The following DOCK2 variants were observed in gnomAD, a reference collection of about 807,000 sequenced individuals.
The protein encoded by DOCK2 is dedicator of cytokinesis 2, also known as dedicator of cytokinesis protein 2.
A neutral mutation model predicts 248.9 loss-of-function variants in DOCK2; 87 were observed. That is an observed-to-expected ratio of 0.35 (90% CI 0.29 to 0.42). DOCK2 has a LOEUF of 0.42. Among genes scored for constraint, DOCK2 ranks in the 10% least tolerant of loss-of-function variants. The pLI, the probability that DOCK2 is intolerant of heterozygous loss-of-function variation, is 1.00. For missense variants in DOCK2, 1,747 were observed against 2,300.2 expected, an observed-to-expected ratio of 0.76 and a Z score of 4.92; for synonymous variants, 805 against 821.6, an observed-to-expected ratio of 0.98 and a Z score of 0.35.
intron 23 of DOCK2, among the ~76,000 whole-genome samples, chr5:169,753,736 G>A (rs528300541): frequency 6.6e-6 from 1 of 152,260 alleles, no homozygotes; most frequent in East Asian, 1.9e-4. Flanking sequence ...ACATATTCTG[G>A]AACCTGTTGG....
chr5:169,698,282 C>A, intron 10 of DOCK2, 92 bp from the exon 11 acceptor site: 3 of 1,329,874 alleles, frequency 2.3e-6, no homozygotes, highest in South Asian at 1.2e-5. Flanking sequence ...GCATCCCAGG[C>A]TCTACCTCCT....
In DOCK2 at chr5:170,053,987, G is replaced by A. The variant is rs114300668; in HGVS notation, c.4214-1318G>A. Among the ~76,000 whole-genome samples the A allele has an allele frequency of 3.9e-5, 6 of 152,300 alleles. No homozygotes were observed. In the East Asian group the frequency reaches 5.8e-4, roughly 15 times the overall value. Reference sequence around the variant, plus strand: ...GGTGGATCCTAAGAGAAGCAAAGACGAAGGCTGTGGAAAGCCAAAGGAAGG... The same window carrying A: ...GGTGGATCCTAAGAGAAGCAAAGACAAAGGCTGTGGAAAGCCAAAGGAAGG... On this transcript the variant is annotated intron_variant, in intron 41 of 51. Transcript: ENST00000520908.
intron 26 of DOCK2, among the ~76,000 whole-genome samples, chr5:169,826,882 A>G (rs759990781): frequency 6.6e-6 from 1 of 152,008 alleles, no homozygotes; most frequent in Non-Finnish European, 1.5e-5. Flanking sequence ...TCCCTGTAAT[A>G]ACACTGTCAG....
chr5:169,879,438 A>G (rs767410535), intron 27 of DOCK2, among the ~76,000 whole-genome samples: 2 of 152,162 alleles, frequency 1.3e-5, no homozygotes, highest in Non-Finnish European at 2.9e-5. Context: ...GCTTTCATCA[A>G]ATTAATTGCC....
chr5:169,966,626 A>C (rs189478134), intron 27 of DOCK2, among the ~76,000 whole-genome samples: 23 of 152,268 alleles, frequency 1.5e-4, no homozygotes, highest in Non-Finnish European at 2.8e-4. Context: ...CCATACCCTT[A>C]TTTTACAGGT....
At chr5:169,918,594 TATG>T (rs1283568819) in intron 27 of DOCK2, among the ~76,000 whole-genome samples, 2 of 152,218 alleles carry the variant, frequency 1.3e-5, no homozygotes, top group Non-Finnish European at 2.9e-5. Flanking sequence ...TATTGTCCAA[TATG>T]ATACTGTTTA....
intron 27 of DOCK2, among the ~76,000 whole-genome samples, chr5:169,908,042 G>T (rs1774390845): frequency 6.6e-6 from 1 of 152,158 alleles, no homozygotes. Flanking sequence ...AGCTGTGATG[G>T]AACAATTTAG....
intron 2 of DOCK2, among the ~76,000 whole-genome samples, chr5:169,669,057 A>C (rs1337861025): frequency 6.6e-6 from 1 of 152,148 alleles, no homozygotes; most frequent in Non-Finnish European, 1.5e-5. Context: ...TGATTTTTCA[A>C]AATCAGGAGC....
chr5:169,934,285 A>G (rs1380052190), intron 27 of DOCK2, among the ~76,000 whole-genome samples: 2 of 152,226 alleles, frequency 1.3e-5, no homozygotes, highest in East Asian at 1.9e-4. Flanking sequence ...TTACCCGGGA[A>G]GACTTCTCTG....
At chr5:169,926,646 C>T (rs922771722) in intron 27 of DOCK2, among the ~76,000 whole-genome samples, 12 of 152,298 alleles carry the variant, frequency 7.9e-5, no homozygotes, top group African/African-American at 2.9e-4. Context: ...TTATGCCATA[C>T]GTCACCCACT....
intron 25 of DOCK2, among the ~76,000 whole-genome samples, chr5:169,778,896 A>G (rs1294086469): frequency 6.6e-6 from 1 of 152,020 alleles, no homozygotes; most frequent in Non-Finnish European, 1.5e-5. Context: ...ATCCAAGAAA[A>G]TTTTCAGCAA....
rs1554098255 is a variant in DOCK2 at position 169,764,844 on chromosome 5, T to TTTTG, written c.2554+3221_2554+3222insTGTT. Among the ~76,000 whole-genome samples the TTTTG allele has an allele frequency of 1.2e-3, 186 of 150,950 alleles. No homozygotes were observed. Among genetic ancestry groups the TTTTG allele is most frequent in the Non-Finnish European group, 2.1e-3 (144 of 67,860 alleles). On this transcript the variant is annotated intron_variant, in intron 25 of 51. Coordinates refer to ENST00000520908, the MANE Select transcript of DOCK2 (RefSeq NM_004946.3). This position sits in a 1 kb window ranked among gnomAD's most constrained non-coding sequence, Gnocchi z 4.3. ...GCTCTCCATTCTGACTTTGAACGTG[T>TTTTG]TTGTTGTTGTTGTTGTTGTTGTTGT...
chr5:169,766,112 G>T (rs1764773339), intron 25 of DOCK2, among the ~76,000 whole-genome samples: 1 of 152,066 alleles, frequency 6.6e-6, no homozygotes, highest in Non-Finnish European at 1.5e-5. Context: ...ACATGTGCAG[G>T]TTTGTTACAT....
intron 25 of DOCK2, among the ~76,000 whole-genome samples, chr5:169,771,447 C>T (rs1374782440): frequency 6.6e-6 from 1 of 152,030 alleles, no homozygotes; most frequent in Non-Finnish European, 1.5e-5. Flanking sequence ...CCACGCCTGG[C>T]TAATTTTTGT....
At chr5:170,048,900 C>T (rs1473128457) in intron 40 of DOCK2, among the ~76,000 whole-genome samples, 1 of 152,184 alleles carries the variant, frequency 6.6e-6, no homozygotes, top group Non-Finnish European at 1.5e-5. Context: ...AATCTGATCT[C>T]CAACCTCACT....
At chr5:169,638,659 G>A (rs1176791411) in intron 1 of DOCK2, among the ~76,000 whole-genome samples, 4 of 152,176 alleles carry the variant, frequency 2.6e-5, no homozygotes, top group African/African-American at 9.7e-5. Flanking sequence ...TCAGAACCAA[G>A]AGACACCAGC....
intron 26 of DOCK2, among the ~76,000 whole-genome samples, chr5:169,805,829 G>C (rs1399684624): frequency 6.6e-6 from 1 of 152,244 alleles, no homozygotes; most frequent in Admixed American, 6.5e-5. Context: ...ATCTGGACTT[G>C]AGGTGTGTGG....
intron 25 of DOCK2, among the ~76,000 whole-genome samples, chr5:169,795,429 G>A (rs1035792325): frequency 6.6e-6 from 1 of 152,190 alleles, no homozygotes; most frequent in African/African-American, 2.4e-5. Flanking sequence ...GCTCGCCAGA[G>A]GGCTGCAGGT....
At chr5:170,017,515 C>T (rs1056796634) in intron 32 of DOCK2, among the ~76,000 whole-genome samples, 2 of 152,114 alleles carry the variant, frequency 1.3e-5, no homozygotes, top group Non-Finnish European at 2.9e-5. Flanking sequence ...AATACGGCTC[C>T]CCTTTATGGT....
Sources: gnomAD v4.1 joint callset for allele counts (sites outside exome capture counted in the v4.1 genomes callset) on GRCh38, gnomAD v4.1.1 for gene constraint, Gnocchi (gnomAD v3.1) non-coding constraint, MANE v1.5 for transcripts, NCBI Gene and HGNC (gene_info 2026-07-23, HGNC 2026-07-21) for gene names.